The following TMEM68 variants were observed in gnomAD, a reference collection of about 807,000 sequenced individuals.
TMEM68 encodes DGAT1/2-independent enzyme synthesizing storage lipids.
A neutral mutation model predicts 36.9 loss-of-function variants in TMEM68; 25 were observed. The ratio of observed to expected loss-of-function variants is 0.68; its 90% CI spans 0.49 to 0.95. TMEM68 has a LOEUF of 0.95. Among genes scored for constraint, TMEM68 ranks in the 40% least tolerant of loss-of-function variants. TMEM68 has a pLI of 0.00. For synonymous variants in TMEM68, 131 were observed against 124.4 expected, an observed-to-expected ratio of 1.05 and a Z score of -0.35; for missense variants, 333 against 392.0, an observed-to-expected ratio of 0.85 and a Z score of 1.27.
chr8:55,744,669 TTAGG>T (rs1810217881), intron 6 of TMEM68, among the ~76,000 whole-genome samples: 1 of 152,170 alleles, frequency 6.6e-6, no homozygotes, highest in Non-Finnish European at 1.5e-5. Flanking sequence ...TGCTATTTCC[TTAGG>T]TAGTTAATCT....
chr8:55,743,293 ACTCCTG>A (rs1405149906), intron 7 of TMEM68, among the ~76,000 whole-genome samples, 182 bp downstream of exon 7: 1 of 151,930 alleles, frequency 6.6e-6, no homozygotes, highest in African/African-American at 2.4e-5. Context: ...CACGGCCCCA[ACTCCTG>A]CCTGTAGTGA....
intron 1 of TMEM68, among the ~76,000 whole-genome samples, chr8:55,765,709 T>C (rs1810943233): frequency 6.6e-6 from 1 of 152,232 alleles, no homozygotes; most frequent in Non-Finnish European, 1.5e-5. Flanking sequence ...ACATCTCATC[T>C]GCTTATTAAC....
intron 4 of TMEM68, among the ~76,000 whole-genome samples, chr8:55,753,307 T>A (rs1810473344): frequency 6.6e-6 from 1 of 152,058 alleles, no homozygotes; most frequent in Non-Finnish European, 1.5e-5. Flanking sequence ...TAAAACATGG[T>A]AAAAATATTA....
intron 5 of TMEM68, chr8:55,747,945 T>C (rs926066911): frequency 2.0e-5 from 3 of 152,198 alleles, no homozygotes; most frequent in Non-Finnish European, 2.9e-5. Flanking sequence ...TCTGTATTGA[T>C]GTATGCATTT....
At chr8:55,765,796 A>C (rs945671652) in intron 1 of TMEM68, among the ~76,000 whole-genome samples, 4 of 152,234 alleles carry the variant, frequency 2.6e-5, no homozygotes, top group African/African-American at 9.6e-5. Flanking sequence ...GAATGGGCTT[A>C]GGAGCCAGAC....
At chr8:55,742,489 G>C (rs1162649881) in intron 7 of TMEM68, among the ~76,000 whole-genome samples, 1 of 151,966 alleles carries the variant, frequency 6.6e-6, no homozygotes, top group African/African-American at 2.4e-5. Flanking sequence ...ATATAAATCA[G>C]ACTATATATA....
intron 4 of TMEM68, 114 bp from the exon 5 acceptor site, chr8:55,751,271 T>A (rs1438217222): frequency 1.1e-6 from 1 of 949,096 alleles, no homozygotes; most frequent in Non-Finnish European, 1.5e-6. Flanking sequence ...CAGTAAACTT[T>A]TTTACTTGTT....
In TMEM68 at chr8:55,769,018, T is replaced by TTAAAAAAAAAA. The variant is rs1554556017; in HGVS notation, c.-115+4250_-115+4251insTTTTTTTTTTA. Among the ~76,000 whole-genome samples the TTAAAAAAAAAA allele has an allele frequency of 2.6e-4, 21 of 82,082 alleles. 1 individual carries two copies. Among genetic ancestry groups the TTAAAAAAAAAA allele is most frequent in the African/African-American group, 8.9e-4 (18 of 20,124 alleles). The allele number at this position is 82,082 out of a possible 152,430, so 53.8% of individuals were successfully genotyped here. ...GTGAAAGAGCAAGAGACTCTGTCTTTAAAAAAAAAAAAAAAAAAAAAAAGG... is the reference window on the plus strand; with the variant it reads ...GTGAAAGAGCAAGAGACTCTGTCTTTTAAAAAAAAAAAAAAAAAAAAAAAAAAAAAAAAAGG... On this transcript the variant is annotated intron_variant, in intron 1 of 7. Coordinates refer to ENST00000434581, the MANE Select transcript of TMEM68 (RefSeq NM_001286657.2).
At chr8:55,741,087 G>C (rs1323105767) in intron 7 of TMEM68, among the ~76,000 whole-genome samples, 1 of 151,974 alleles carries the variant, frequency 6.6e-6, no homozygotes, top group East Asian at 2.0e-4. Flanking sequence ...TACAAAATTA[G>C]CAGGTGTGGT....
rs376241142 is a variant in TMEM68, at chr8:55,746,317, CAAAAAAAAAA to C, written c.688-1206_688-1197del. ...GGCAATAGAGCGAGACACTGTCTCC[CAAAAAAAAAA>C]AAAAAAAAAAAAAAGAATTCTCCAT... On this transcript the variant is annotated intron_variant, in intron 5 of 7. Transcript: ENST00000434581. The C allele has an allele frequency of 2.3e-4, 13 of 57,196 alleles. No individual in the cohort carries two copies. In the Admixed American group the frequency reaches 3.2e-3, roughly 14 times the overall value. The allele number at this position is 57,196 out of a possible 1,614,324, so 3.5% of individuals were successfully genotyped here.
chr8:55,745,161 T>C (rs1810232241), intron 5 of TMEM68, 40 bp from the exon 6 acceptor site: 2 of 1,363,046 alleles, frequency 1.5e-6, no homozygotes, highest in African/African-American at 1.5e-5. Flanking sequence ...GTAAATAAAT[T>C]AATCCATTCA....
At chr8:55,749,180 T>C (rs1169646637) in intron 5 of TMEM68, among the ~76,000 whole-genome samples, 1 of 152,242 alleles carries the variant, frequency 6.6e-6, no homozygotes, top group African/African-American at 2.4e-5. Flanking sequence ...TGAAGTTATC[T>C]AAAAGTTCTT....
At chr8:55,751,238 T>G (rs137879996) in intron 4 of TMEM68, 81 bp from the exon 5 acceptor site, 3 of 1,235,506 alleles carry the variant, frequency 2.4e-6, no homozygotes, top group African/African-American at 3.1e-5. Flanking sequence ...ACAAACTACA[T>G]AGTGTACTAT....
chr8:55,769,018 T>TTAAAAAAAAGAAAAAAAAAAAAAAAAA (rs1554556017), intron 1 of TMEM68, among the ~76,000 whole-genome samples: 1 of 82,094 alleles, frequency 1.2e-5, no homozygotes, highest in Admixed American at 1.3e-4. Flanking sequence ...ACTCTGTCTT[T>TTAAAAAAAAGAAAAAAAAAAAAAAAAA]AAAAAAAAAA....
chr8:55,754,583 AATAC>A (rs1357767746), intron 4 of TMEM68, among the ~76,000 whole-genome samples: 1 of 136,320 alleles, frequency 7.3e-6, no homozygotes, highest in African/African-American at 2.7e-5. Context: ...TATTATATAA[AATAC>A]ATATATTATG....
At chr8:55,751,993 G>A (rs955476834) in intron 4 of TMEM68, among the ~76,000 whole-genome samples, 1 of 152,138 alleles carries the variant, frequency 6.6e-6, no homozygotes, top group African/African-American at 2.4e-5. Context: ...TGGATCACTT[G>A]CGGTCAGGAG....
chr8:55,771,517 T>A (rs1003378855), intron 1 of TMEM68, among the ~76,000 whole-genome samples: 22 of 151,976 alleles, frequency 1.4e-4, no homozygotes, highest in Admixed American at 6.6e-5. Context: ...CTCGGGGGGC[T>A]GAGGTAGGAG....
intron 5 of TMEM68, among the ~76,000 whole-genome samples, chr8:55,748,972 G>A (rs1810360546): frequency 6.6e-6 from 1 of 152,140 alleles, no homozygotes; most frequent in Admixed American, 6.5e-5. Flanking sequence ...CATTGTGAAA[G>A]TTACTTACCA....
chr8:55,753,413 A>G (rs1810477253), intron 4 of TMEM68, among the ~76,000 whole-genome samples: 1 of 152,194 alleles, frequency 6.6e-6, no homozygotes, highest in Admixed American at 6.6e-5. Flanking sequence ...AAATGAAAAC[A>G]TTATGTTAAG....
Sources: allele counts gnomAD v4.1 joint callset (sites outside exome capture counted in the v4.1 genomes callset), GRCh38; gene constraint gnomAD v4.1.1; transcripts MANE v1.5; gene names NCBI Gene and HGNC (gene_info 2026-07-23, HGNC 2026-07-21).